CACNA1A: variants seen among roughly 807,000 people sequenced by gnomAD.
CACNA1A encodes calcium voltage-gated channel subunit alpha1 A.
A neutral mutation model predicts 262.4 loss-of-function variants in CACNA1A; 57 were observed. The observed-to-expected ratio is 0.22, with a 90% CI of 0.18 to 0.27. CACNA1A has a LOEUF of 0.27. Ranked by LOEUF, CACNA1A falls within the 10% of genes least tolerant of loss-of-function variation. The probability of loss-of-function intolerance (pLI) is 1.00; values close to 1 mark genes in which losing one functional copy is unlikely to be tolerated. For synonymous variants in CACNA1A, 1,431 were observed against 1,419.3 expected, an observed-to-expected ratio of 1.01 and a Z score of -0.18; for missense variants, 2,526 against 3,562.8, an observed-to-expected ratio of 0.71 and a Z score of 7.41.
In CACNA1A at chr19:13,225,423, CAG is replaced by C. The variant is rs1343529117; in HGVS notation, c.5626-653_5626-652del. 2.0e-5 allele frequency: 3 copies of C among 152,406 alleles called. No individual in the cohort carries two copies. In the East Asian group the frequency reaches 5.8e-4, roughly 29 times the overall value. 9.4% of individuals were successfully genotyped at this position (152,406 alleles called of 1,614,324 possible). A position where few individuals can be genotyped will look rare whatever the true frequency, so the allele number is the denominator to read the frequency against. ...TCATAGCTCCGTGGGAAGTGTATCT[CAG>C]GGGCATGTCCAGATCTTGGCTCTCT... On this transcript the variant is annotated intron_variant, in intron 37 of 46. Transcript: ENST00000360228.
chr19:13,222,464 C>T (rs1388412572), intron 38 of CACNA1A, among the ~76,000 whole-genome samples: 1 of 146,828 alleles, frequency 6.8e-6, no homozygotes, highest in African/African-American at 2.5e-5. Context: ...GGCACAAGCT[C>T]GGCTCGCTGC....
chr19:13,354,385 A>G (rs544384065), intron 6 of CACNA1A, among the ~76,000 whole-genome samples: 16 of 152,306 alleles, frequency 1.1e-4, no homozygotes, highest in African/African-American at 3.8e-4. Context: ...CTATGGCCAA[A>G]CAGATCGAGG....
At position 13,227,366 on chromosome 19, in the gene CACNA1A, A is replaced by G. The variant is rs372041159; in HGVS notation, c.5625+65T>C. 0.014 allele frequency: 9,147 copies of G among 648,106 alleles called. 72 individuals carry two copies. The highest frequency in any genetic ancestry group is 0.017 in the Non-Finnish European group (6,350 of 366,440). 40.1% of individuals were successfully genotyped at this position (648,106 alleles called of 1,614,324 possible). A position where few individuals can be genotyped will look rare whatever the true frequency, so the allele number is the denominator to read the frequency against. On this transcript the variant is annotated intron_variant, in intron 37 of 46. Transcript: ENST00000360228. ...GGTGTTTCTGGTCAGCACTAAAAAA[A>G]AAGAAGAAGAAGAAGAAAAAAAAAC...
chr19:13,277,533 G>A (rs2057179990), intron 22 of CACNA1A: 1 of 154,536 alleles, frequency 6.5e-6, no homozygotes, highest in African/African-American at 2.4e-5. Context: ...TGGGCATCCT[G>A]GGCGAGAAAT....
rs904523327 is a variant in CACNA1A at position 13,454,339 on chromosome 19, T to G, written c.399+768A>C. Among the ~76,000 whole-genome samples the G allele has an allele frequency of 4.6e-5, 7 of 151,778 alleles. No individual in the cohort carries two copies. In the South Asian group the frequency reaches 6.3e-4, roughly 14 times the overall value. ...ATCTCACCCTTTGCATCTCTTCATC[T>G]GTATCCTTTGTAATATTCTTGTTTC... On this transcript the variant is annotated intron_variant, in intron 2 of 46. Coordinates refer to ENST00000360228, the MANE Select transcript of CACNA1A (RefSeq NM_001127222.2).
chr19:13,283,470 A>G (rs2057334869), intron 21 of CACNA1A, 74 bp from the exon 22 acceptor site: 3 of 1,515,008 alleles, frequency 2.0e-6, no homozygotes, highest in South Asian at 2.3e-5. Flanking sequence ...CCATAATCTC[A>G]TGTTACCTAC....
chr19:13,441,011 C>T (rs2060709521), intron 3 of CACNA1A, among the ~76,000 whole-genome samples: 1 of 152,116 alleles, frequency 6.6e-6, no homozygotes, highest in African/African-American at 2.4e-5. Flanking sequence ...TGGAGTTTCA[C>T]CATGTTGCCC....
rs558064032 is a variant in CACNA1A, at chr19:13,245,251, A to G, written c.4881T>C (p.Asp1627=). The change falls in exon 31 of 47, where the codon GAT becomes GAC. Residue 1627 remains aspartate, a synonymous_variant. Transcript: ENST00000360228. ...TCACAAAGTCGAAGATGTTCCAGGCATCGCGGAAATAATTCTAGAATGGGG... is the reference window on the plus strand; with the variant it reads ...TCACAAAGTCGAAGATGTTCCAGGCGTCGCGGAAATAATTCTAGAATGGGG... ...MAFGILNYFR[D]AWNIFDFVTV... is the part of the protein sequence containing the mutation. The G allele has an allele frequency of 1.2e-6, 2 of 1,613,754 alleles. No individual in the cohort carries two copies. Among genetic ancestry groups the G allele is most frequent in the African/African-American group, 2.7e-5 (2 of 75,062 alleles).
intron 1 of CACNA1A, among the ~76,000 whole-genome samples, chr19:13,499,389 T>C (rs940441403): frequency 1.5e-5 from 2 of 133,322 alleles, no homozygotes; most frequent in Non-Finnish European, 3.0e-5. Context: ...TGTCCAAAGG[T>C]GGCTTTAAAG....
chr19:13,402,779 C>CAT (rs398071149), intron 3 of CACNA1A, among the ~76,000 whole-genome samples: 9,137 of 124,460 alleles, frequency 0.073, 527 homozygotes, highest in East Asian at 0.27. Context: ...CATATATATA[C>CAT]ATATATATAC....
At chr19:13,362,969 C>T (rs968873550) in intron 5 of CACNA1A, 3 of 152,198 alleles carry the variant, frequency 2.0e-5, no homozygotes, top group Non-Finnish European at 4.4e-5. Context: ...GAAAAACAAG[C>T]GTCCAGAGTG....
At chr19:13,468,310 C>T (rs1341135045) in intron 1 of CACNA1A, among the ~76,000 whole-genome samples, 1 of 151,974 alleles carries the variant, frequency 6.6e-6, no homozygotes, top group Non-Finnish European at 1.5e-5. Flanking sequence ...CTCTAGGGAC[C>T]TCTGAGTGGT....
rs1164267741 is a variant in CACNA1A at position 13,303,854 on chromosome 19, T to A, written c.2017A>T (p.Met673Leu). ...ILTGEDWNEV[M>L]YDGIKSQGGV... ...CCCTGAGACTTGATCCCGTCGTACA[T>A]GACCTCGTTCCAGTCTTCGCCCGTC... Residue 673 changes from methionine to leucine, a missense_variant, in exon 16 of 47, where the codon ATG (methionine) becomes TTG (leucine). Met to Leu is a conservative substitution (Grantham distance 15). Transcript: ENST00000360228. 1 of 1,613,594 alleles carries A rather than the reference T, an allele frequency of 6.2e-7. No homozygotes were observed. The highest frequency in any genetic ancestry group is 1.1e-5 in the South Asian group (1 of 91,058).
intron 3 of CACNA1A, among the ~76,000 whole-genome samples, chr19:13,421,239 A>G (rs1230022797): frequency 1.3e-5 from 2 of 152,080 alleles, no homozygotes; most frequent in African/African-American, 4.8e-5. Flanking sequence ...ATTATAGGAG[A>G]GAAATTATTT....
Position 13,433,460 on chromosome 19 carries a change from C to CAAAAAAAAAAAAAAAAAAA in CACNA1A, c.539+19397_539+19415dup, listed in dbSNP as rs533297364. Among the ~76,000 whole-genome samples, 719 of 76,122 alleles carry CAAAAAAAAAAAAAAAAAAA rather than the reference C, an allele frequency of 9.4e-3. 55 individuals carry two copies. Among genetic ancestry groups the CAAAAAAAAAAAAAAAAAAA allele is most frequent in the Non-Finnish European group, 0.012 (501 of 41,570 alleles). 49.9% of individuals were successfully genotyped at this position (76,122 alleles called of 152,430 possible). A position where few individuals can be genotyped will look rare whatever the true frequency, so the allele number is the denominator to read the frequency against. On this transcript the variant is annotated intron_variant, in intron 3 of 46. Transcript: ENST00000360228. ...TCGGCAACAAAGCAAGACGCTGTCT[C>CAAAAAAAAAAAAAAAAAAA]AAAAAAAAAAAAAAAAAAAAAAAGT...
chr19:13,286,157 G>C (rs1274844715), intron 20 of CACNA1A, among the ~76,000 whole-genome samples: 3 of 151,858 alleles, frequency 2.0e-5, no homozygotes, highest in Non-Finnish European at 4.4e-5. Context: ...CATTTCTTTT[G>C]GACAGTGCTG....
intron 36 of CACNA1A, among the ~76,000 whole-genome samples, chr19:13,227,989 C>T (rs2055528850): frequency 7.0e-6 from 1 of 143,464 alleles, no homozygotes. Flanking sequence ...TCATAGCTCA[C>T]TGCAGCCTCC....
chr19:13,386,246 C>A (rs2144628906), intron 3 of CACNA1A, among the ~76,000 whole-genome samples: 1 of 152,274 alleles, frequency 6.6e-6, no homozygotes, highest in South Asian at 2.1e-4. Context: ...AGCCCACCTC[C>A]CATCAAAGAG....
At position 13,334,512 on chromosome 19, in the gene CACNA1A, G is replaced by A; in HGVS notation, c.1083-19C>T. On this transcript the variant is annotated intron_variant, in intron 7 of 46. Coordinates refer to ENST00000360228, the MANE Select transcript of CACNA1A (RefSeq NM_001127222.2). The stretch of plus-strand genomic sequence containing the variant: ...AAACTCCCTGGAGAAGCATAGAAAA[G>A]CCAGAGTATGGCTGTTTTGAAAATG... 1 of 1,322,364 alleles carries A rather than the reference G, an allele frequency of 7.6e-7. No individual in the cohort carries two copies. The highest frequency in any genetic ancestry group is 1.1e-6 in the Non-Finnish European group (1 of 914,274). The allele number at this position is 1,322,364 out of a possible 1,614,324, so 81.9% of individuals were successfully genotyped here. A position where few individuals can be genotyped will look rare whatever the true frequency, so the allele number is the denominator to read the frequency against.
Sources: gnomAD v4.1 joint callset for allele counts (sites outside exome capture counted in the v4.1 genomes callset) on GRCh38, gnomAD v4.1.1 for gene constraint, MANE v1.5 for transcripts, NCBI Gene and HGNC (gene_info 2026-07-23, HGNC 2026-07-21) for gene names.